Variants in ATL1 observed in about 807,000 individuals in gnomAD.
The protein encoded by ATL1 is atlastin-1.
ATL1 carries 31 observed loss-of-function variants against 75.5 expected under a neutral mutation model. That is an observed-to-expected ratio of 0.41 (90% CI 0.31 to 0.55). ATL1 has a LOEUF of 0.55. Ranked by LOEUF, ATL1 falls within the 20% of genes least tolerant of loss-of-function variation. ATL1 has a pLI of 0.27. For synonymous variants in ATL1, 226 were observed against 233.3 expected (o/e 0.97, Z 0.28); for missense variants, 405 against 662.6 (o/e 0.61, Z 4.27).
chr14:50,612,109 C>A (rs1352715542), intron 6 of ATL1, among the ~76,000 whole-genome samples: 1 of 152,104 alleles, frequency 6.6e-6, no homozygotes, highest in Non-Finnish European at 1.5e-5. Flanking sequence ...TATAATTAAT[C>A]TCACAAATAT....
At chr14:50,555,448 A>AT (rs1256405883), upstream of ATL1, among the ~76,000 whole-genome samples, 2 of 151,922 alleles carry the variant, frequency 1.3e-5, no homozygotes, top group African/African-American at 2.4e-5. Flanking sequence ...GTCCCGGCTA[A>AT]TTTTTTGTAT....
Position 50,616,693 on chromosome 14 carries a change from G to T in ATL1, c.862+2182G>T, listed in dbSNP as rs1047454852. 9.9e-5 allele frequency among the ~76,000 whole-genome samples: 15 copies of T among 152,126 alleles called. No individual in the cohort carries two copies. In the East Asian group the frequency reaches 2.5e-3, roughly 26 times the overall value. ...ACAATTGGTTTACAGTTAACTATAA[G>T]TTATGAGTTTACCAAAGTGCCTTGC... On this transcript the variant is annotated intron_variant, in intron 8 of 13. Transcript: ENST00000358385.
intron 1 of ATL1, among the ~76,000 whole-genome samples, chr14:50,575,796 A>G (rs2039000531): frequency 6.6e-6 from 1 of 152,120 alleles, no homozygotes; most frequent in South Asian, 2.1e-4. Context: ...TTAGAAATAC[A>G]CTTCCACAAC....
chr14:50,623,551 G>A (rs1327504289), intron 11 of ATL1, among the ~76,000 whole-genome samples: 1 of 150,260 alleles, frequency 6.7e-6, no homozygotes, highest in Non-Finnish European at 1.5e-5. Flanking sequence ...ATAGCATGTG[G>A]TACCCTCGCC....
chr14:50,626,444 G>A (rs2039521256), intron 11 of ATL1, among the ~76,000 whole-genome samples: 1 of 152,172 alleles, frequency 6.6e-6, no homozygotes, highest in Non-Finnish European at 1.5e-5. Flanking sequence ...CATGTGTGGT[G>A]CAAACAGCAA....
chr14:50,568,179 G>C (rs1018144162), intron 1 of ATL1, among the ~76,000 whole-genome samples: 1 of 151,996 alleles, frequency 6.6e-6, no homozygotes, highest in African/African-American at 2.4e-5. Context: ...GTGTTCCTAG[G>C]TACATAGATT....
At chr14:50,628,484 A>G (rs1432712350) in intron 12 of ATL1, 22 bp downstream of exon 12, 6 of 1,610,058 alleles carry the variant, frequency 3.7e-6, no homozygotes, top group Admixed American at 3.4e-5. Flanking sequence ...TTTAATTCAC[A>G]ACTAAATTCA....
chr14:50,533,636 A>G (rs2038452579), intron 1 of ATL1, among the ~76,000 whole-genome samples: 1 of 152,208 alleles, frequency 6.6e-6, no homozygotes, highest in South Asian at 2.1e-4. Flanking sequence ...TTGAACAGAA[A>G]AGCCAGATAA....
chr14:50,568,230 T>C (rs958764595), intron 1 of ATL1, among the ~76,000 whole-genome samples: 1 of 152,218 alleles, frequency 6.6e-6, no homozygotes, highest in African/African-American at 2.4e-5. Context: ...TTAAAACTTT[T>C]ATTAGTATAT....
At chr14:50,544,936 CAAAAAAAAAAAAAAAA>C (rs35420627) in intron 1 of ATL1, among the ~76,000 whole-genome samples, 4 of 58,448 alleles carry the variant, frequency 6.8e-5, no homozygotes, top group Admixed American at 4.4e-4. Flanking sequence ...GACCCACTCT[CAAAAAAAAAAAAAAAA>C]AAAAAAAAAA....
In ATL1 at chr14:50,550,746, A is replaced by G. The variant is rs190117265; in HGVS notation, c.-139-9381A>G. Among the ~76,000 whole-genome samples, 415 of 152,368 alleles carry G rather than the reference A, an allele frequency of 2.7e-3. 3 individuals carry two copies. Among genetic ancestry groups the G allele is most frequent in the African/African-American group, 9.2e-3 (383 of 41,578 alleles). On this transcript the variant is annotated intron_variant, in intron 1 of 13. Coordinates refer to the ATL1 transcript ENST00000441560. ...AAACTGGAAAATAGCTCCAAAAGGAATCCTCAAAACTATACAAATACATAG... is the reference window on the plus strand; with the variant it reads ...AAACTGGAAAATAGCTCCAAAAGGAGTCCTCAAAACTATACAAATACATAG...
chr14:50,554,050 G>A (rs1239459589), intron 1 of ATL1, among the ~76,000 whole-genome samples: 1 of 151,404 alleles, frequency 6.6e-6, no homozygotes, highest in East Asian at 1.9e-4. Flanking sequence ...CACCACTAAA[G>A]AACTTATTAA....
intron 4 of ATL1, among the ~76,000 whole-genome samples, chr14:50,593,376 A>C (rs1170320549): frequency 6.6e-6 from 1 of 152,174 alleles, no homozygotes; most frequent in Non-Finnish European, 1.5e-5. Flanking sequence ...TGCTGTTATC[A>C]CATATATATA....
rs1322631523 is a variant in ATL1, at chr14:50,621,735, T to G, written c.991-108T>G. On this transcript the variant is annotated intron_variant, in intron 9 of 13. Coordinates refer to ENST00000358385, the MANE Select transcript of ATL1 (RefSeq NM_015915.5). ...TGAGAAAGATAAAATAGTTATAAGT[T>G]CCTGAAAATATTTTTTGAAATGTCA... The G allele has an allele frequency of 9.5e-6, 7 of 734,688 alleles. No individual in the cohort carries two copies. The Admixed American group carries it at 1.7e-4, about 17-fold the overall frequency. 45.5% of individuals were successfully genotyped at this position (734,688 alleles called of 1,614,324 possible).
chr14:50,631,280 A>G (rs574752394), intron 13 of ATL1, among the ~76,000 whole-genome samples: 3 of 152,074 alleles, frequency 2.0e-5, no homozygotes, highest in South Asian at 4.2e-4. Flanking sequence ...AAACAAAAAC[A>G]AAAACAAAAA....
At chr14:50,544,806 A>G (rs904582579) in intron 1 of ATL1, among the ~76,000 whole-genome samples, 1 of 151,950 alleles carries the variant, frequency 6.6e-6, no homozygotes, top group Non-Finnish European at 1.5e-5. Context: ...GCATGGTGGC[A>G]TGACGCTATA....
Position 50,578,568 on chromosome 14 carries a change from C to T in ATL1, c.35-9263C>T, listed in dbSNP as rs147021657. On this transcript the variant is annotated intron_variant, in intron 1 of 13. Coordinates refer to ENST00000358385, the MANE Select transcript of ATL1 (RefSeq NM_015915.5). ...CATGCATATTGTACTACTTGCTATTCTTAAACATGCCAAACACACTCTCCC... is the reference window on the plus strand; with the variant it reads ...CATGCATATTGTACTACTTGCTATTTTTAAACATGCCAAACACACTCTCCC... 2.1e-4 allele frequency among the ~76,000 whole-genome samples: 32 copies of T among 152,238 alleles called. No homozygotes were observed. In the East Asian group the frequency reaches 6.2e-3, roughly 29 times the overall value.
chr14:50,587,968 C>T lies in ATL1; in HGVS notation c.172C>T (p.Leu58Phe), dbSNP rs1351467376. The T allele has an allele frequency of 1.2e-6, 2 of 1,614,148 alleles. No homozygotes were observed. Among genetic ancestry groups the T allele is most frequent in the East Asian group, 2.2e-5 (1 of 44,888 alleles). ...LDETALNRIL[L>F]SEAVRDKEVV... Reference sequence around the variant, plus strand: ...TGAAACTGCATTAAATCGGATCCTTCTCTCGGAGGCTGTCAGAGACAAGGA... The same window carrying T: ...TGAAACTGCATTAAATCGGATCCTTTTCTCGGAGGCTGTCAGAGACAAGGA... The change falls in exon 2 of 14, where the codon CTC (leucine) becomes TTC (phenylalanine). Residue 58 changes from leucine to phenylalanine, a missense_variant. Leu to Phe is a conservative substitution (Grantham distance 22, BLOSUM62 0). Around this residue, in one of 5 missense-constraint regions of ATL1, gnomAD observed 126 missense variants for 172.0 expected, o/e 0.73. Coordinates refer to ENST00000358385, the MANE Select transcript of ATL1 (RefSeq NM_015915.5).
intron 8 of ATL1, among the ~76,000 whole-genome samples, chr14:50,615,264 G>A (rs1362665988): frequency 6.6e-6 from 1 of 152,184 alleles, no homozygotes; most frequent in African/African-American, 2.4e-5. Flanking sequence ...GCGTAGTGTT[G>A]AATATGCCAC....
Sources: allele counts gnomAD v4.1 joint callset (sites outside exome capture counted in the v4.1 genomes callset), GRCh38; gene constraint gnomAD v4.1.1; regional missense constraint gnomAD v4.1.1; transcripts MANE v1.5; gene names NCBI Gene and HGNC (gene_info 2026-07-23, HGNC 2026-07-21).